The following GATAD2A variants were observed in gnomAD, a reference collection of about 807,000 sequenced individuals.
GATAD2A encodes the protein GATA zinc finger domain containing 2A.
A neutral mutation model predicts 68.5 loss-of-function variants in GATAD2A; 12 were observed. The observed-to-expected ratio is 0.18, with a 90% CI of 0.11 to 0.28. The LOEUF (loss-of-function observed/expected upper bound fraction) is 0.28, where lower values mean the gene tolerates loss of function less well. Among genes scored for constraint, GATAD2A ranks in the 10% least tolerant of loss-of-function variants. The pLI, the probability that GATAD2A is intolerant of heterozygous loss-of-function variation, is 1.00. For missense variants in GATAD2A, 755 were observed against 868.5 expected, an observed-to-expected ratio of 0.87 and a Z score of 1.64; for synonymous variants, 410 against 375.3, an observed-to-expected ratio of 1.09 and a Z score of -1.07.
chr19:19,414,913 G>A (rs993803165), intron 1 of GATAD2A, among the ~76,000 whole-genome samples: 1 of 147,652 alleles, frequency 6.8e-6, no homozygotes, highest in African/African-American at 2.6e-5. Context: ...GCAGGACATG[G>A]GGAGGGAGAA....
intron 1 of GATAD2A, among the ~76,000 whole-genome samples, chr19:19,395,041 A>C (rs1017138344): frequency 4.6e-5 from 7 of 152,290 alleles, no homozygotes; most frequent in Admixed American, 2.6e-4. Flanking sequence ...GCAACTGTGC[A>C]TGTGACCAGG....
chr19:19,460,282 G>A (rs1326895323), intron 1 of GATAD2A, among the ~76,000 whole-genome samples: 1 of 152,204 alleles, frequency 6.6e-6, no homozygotes, highest in Non-Finnish European at 1.5e-5. Flanking sequence ...AGGCCCATCT[G>A]TGCTGTGCAT....
intron 2 of GATAD2A, among the ~76,000 whole-genome samples, chr19:19,466,729 G>T (rs1004044806): frequency 6.6e-6 from 1 of 152,246 alleles, no homozygotes; most frequent in Non-Finnish European, 1.5e-5. Context: ...TTGTAGTCCT[G>T]CTGTCCAAAG....
chr19:19,385,854 G>A (rs886518878), exon 1 of GATAD2A: 1 of 151,928 alleles, frequency 6.6e-6, no homozygotes, highest in Admixed American at 6.6e-5. Flanking sequence ...GTGTGAGACT[G>A]AGCCGCGAGA....
chr19:19,459,049 T>C (rs1350491455), intron 1 of GATAD2A, among the ~76,000 whole-genome samples: 5 of 152,206 alleles, frequency 3.3e-5, no homozygotes, highest in Non-Finnish European at 7.3e-5. Flanking sequence ...CAAGTGATGC[T>C]CCTGCCTTGG....
chr19:19,498,352 C>A, intron 7 of GATAD2A, 91 bp from the exon 8 acceptor site: 2 of 1,166,354 alleles, frequency 1.7e-6, no homozygotes, highest in South Asian at 1.5e-5. Flanking sequence ...CTGGTTAGTG[C>A]AGTTGACAGG....
intron 1 of GATAD2A, among the ~76,000 whole-genome samples, chr19:19,439,653 G>T (rs1046303939): frequency 2.6e-5 from 4 of 152,122 alleles, no homozygotes; most frequent in African/African-American, 9.7e-5. Context: ...TTCGAGACCA[G>T]CATGGCCAAC....
chr19:19,408,601 G>A (rs1284730452), intron 1 of GATAD2A, among the ~76,000 whole-genome samples: 1 of 152,150 alleles, frequency 6.6e-6, no homozygotes, highest in African/African-American at 2.4e-5. Context: ...TAGCTCCTCT[G>A]ACTTGTTTTG....
intron 1 of GATAD2A, among the ~76,000 whole-genome samples, chr19:19,407,001 C>T (rs1224590375): frequency 6.6e-6 from 1 of 152,188 alleles, no homozygotes; most frequent in Non-Finnish European, 1.5e-5. Context: ...GATCAAAGTC[C>T]GAGTGAGTCA....
chr19:19,432,305 T>A (rs1269268162), intron 1 of GATAD2A, among the ~76,000 whole-genome samples: 1 of 152,074 alleles, frequency 6.6e-6, no homozygotes, highest in Non-Finnish European at 1.5e-5. Flanking sequence ...TTTTTGTTTT[T>A]GTTTTTGTTT....
chr19:19,415,178 G>A (rs1014864259), intron 1 of GATAD2A, among the ~76,000 whole-genome samples: 2 of 146,460 alleles, frequency 1.4e-5, no homozygotes, highest in South Asian at 2.1e-4. Context: ...TTTAGACGGA[G>A]TTTTGCTCTT....
chr19:19,438,610 T>C (rs1241853723), intron 1 of GATAD2A, among the ~76,000 whole-genome samples: 1 of 152,198 alleles, frequency 6.6e-6, no homozygotes, highest in South Asian at 2.1e-4. Context: ...TAGGTACTTG[T>C]TCAATGAATA....
At chr19:19,387,412 T>A (rs944505715) in intron 1 of GATAD2A, among the ~76,000 whole-genome samples, 27 of 151,836 alleles carry the variant, frequency 1.8e-4, no homozygotes. Flanking sequence ...CTCTGCCTCC[T>A]GGGTTCAAGC....
intron 1 of GATAD2A, among the ~76,000 whole-genome samples, chr19:19,438,204 C>T (rs888900416): frequency 1.3e-4 from 20 of 152,202 alleles, no homozygotes; most frequent in Non-Finnish European, 2.8e-4. Context: ...GAGGGTAGGA[C>T]TAGGGACTCA....
upstream of GATAD2A, among the ~76,000 whole-genome samples, chr19:19,401,490 G>A (rs2049746363): frequency 6.6e-6 from 1 of 152,058 alleles, no homozygotes; most frequent in African/African-American, 2.4e-5. Flanking sequence ...TGGGATTACA[G>A]GTGCGAGCCA....
At chr19:19,474,125 A>G (rs1394016930) in intron 2 of GATAD2A, 4 of 985,206 alleles carry the variant, frequency 4.1e-6, no homozygotes, top group Non-Finnish European at 4.8e-6. Context: ...AAAGGTGTGC[A>G]TCACATAATT....
intron 1 of GATAD2A, among the ~76,000 whole-genome samples, chr19:19,452,079 G>GT (rs1405556244): frequency 2.0e-5 from 3 of 152,380 alleles, no homozygotes; most frequent in South Asian, 2.1e-4. Context: ...ATGCGTATGA[G>GT]TGTGAGTATA....
At chr19:19,431,960 C>T (rs1456690356) in intron 1 of GATAD2A, among the ~76,000 whole-genome samples, 4 of 151,950 alleles carry the variant, frequency 2.6e-5, no homozygotes, top group South Asian at 2.1e-4. Flanking sequence ...GGGGATCACA[C>T]GGAGGGGTTA....
intron 6 of GATAD2A, 54 bp from the exon 7 acceptor site, chr19:19,495,998 G>A (rs1018947285): frequency 7.5e-5 from 119 of 1,591,664 alleles, no homozygotes; most frequent in Non-Finnish European, 8.8e-5. Context: ...TTCCGGTCCC[G>A]CTCCATTGTT....
Sources: allele counts gnomAD v4.1 joint callset (sites outside exome capture counted in the v4.1 genomes callset), GRCh38; gene constraint gnomAD v4.1.1; transcripts MANE v1.5; gene names NCBI Gene and HGNC (gene_info 2026-07-23, HGNC 2026-07-21).